Variants in ZBTB8A observed in about 807,000 individuals in gnomAD.
ZBTB8A encodes the protein zinc finger and BTB domain containing 8A, also known as zinc finger and BTB domain-containing protein 8A.
Under a neutral mutation model 37.8 loss-of-function variants are expected in ZBTB8A, and 19 were observed. The ratio of observed to expected loss-of-function variants is 0.50; its 90% CI spans 0.35 to 0.74. ZBTB8A has a LOEUF of 0.74. ZBTB8A is among the 30% of genes least tolerant of loss of function. The pLI is 0.01. For missense variants in ZBTB8A, 394 were observed against 537.8 expected, an observed-to-expected ratio of 0.73 and a Z score of 2.65; for synonymous variants, 181 against 185.2, an observed-to-expected ratio of 0.98 and a Z score of 0.19.
chr1:32,572,718 T>C (rs1054407053), intron 2 of ZBTB8A, among the ~76,000 whole-genome samples: 1 of 152,152 alleles, frequency 6.6e-6, no homozygotes, highest in Non-Finnish European at 1.5e-5. Context: ...TTTTGATCAC[T>C]TATATCACTC....
At chr1:32,591,949 T>G (rs34045202) in intron 2 of ZBTB8A, among the ~76,000 whole-genome samples, 13,132 of 152,054 alleles carry the variant, frequency 0.086, 740 homozygotes, top group Non-Finnish European at 0.12. Context: ...GATCAAGCGA[T>G]TCTCCTGCCT....
intron 2 of ZBTB8A, among the ~76,000 whole-genome samples, chr1:32,584,032 A>G (rs1390382857): frequency 6.6e-6 from 1 of 152,126 alleles, no homozygotes; most frequent in Non-Finnish European, 1.5e-5. Flanking sequence ...TGCTGGGATT[A>G]CAGGTGTAAG....
chr1:32,541,898 A>C (rs1644058433), intron 1 of ZBTB8A, among the ~76,000 whole-genome samples: 1 of 152,182 alleles, frequency 6.6e-6, no homozygotes, highest in African/African-American at 2.4e-5. Flanking sequence ...CAAATGTTCA[A>C]ACCATAGCTC....
intron 3 of ZBTB8A, among the ~76,000 whole-genome samples, chr1:32,594,751 G>T (rs952647436): frequency 1.3e-5 from 2 of 148,676 alleles, no homozygotes; most frequent in Admixed American, 6.7e-5. Flanking sequence ...GGGCAACAGA[G>T]CGAAACTCTA....
intron 2 of ZBTB8A, among the ~76,000 whole-genome samples, chr1:32,568,678 G>A (rs1313321334): frequency 6.6e-6 from 1 of 152,156 alleles, no homozygotes; most frequent in Non-Finnish European, 1.5e-5. Context: ...GAGCCACTGC[G>A]CCCGGCCCTG....
chr1:32,588,226 A>C (rs1292065195), intron 2 of ZBTB8A, among the ~76,000 whole-genome samples: 1 of 152,136 alleles, frequency 6.6e-6, no homozygotes, highest in Admixed American at 6.6e-5. Context: ...AGAAGCACAC[A>C]TAAAACAAGC....
At chr1:32,575,460 C>T (rs1290941641) in intron 2 of ZBTB8A, among the ~76,000 whole-genome samples, 1 of 151,342 alleles carries the variant, frequency 6.6e-6, no homozygotes, top group East Asian at 2.0e-4. Context: ...CTCCTGACTT[C>T]ATGATCTGCC....
chr1:32,565,188 G>A (rs1041473393), intron 2 of ZBTB8A, among the ~76,000 whole-genome samples: 3 of 152,124 alleles, frequency 2.0e-5, no homozygotes, highest in Non-Finnish European at 4.4e-5. Flanking sequence ...ACATTAACCA[G>A]GCATGGTGGC....
intron 2 of ZBTB8A, among the ~76,000 whole-genome samples, chr1:32,564,372 C>CT (rs1644264448): frequency 6.6e-6 from 1 of 152,132 alleles, no homozygotes; most frequent in Non-Finnish European, 1.5e-5. Flanking sequence ...TTTTGGGCCA[C>CT]TTTAAGTCTG....
At position 32,565,658 on chromosome 1, in the gene ZBTB8A, T is replaced by A. The variant is rs112879402; in HGVS notation, c.-2+12118T>A. Among the ~76,000 whole-genome samples, 343 of 152,044 alleles carry A rather than the reference T, an allele frequency of 2.3e-3. 1 individual carries two copies. The highest frequency in any genetic ancestry group is 4.6e-3 in the South Asian group (22 of 4,810). ...ACAGATTGAGACCGTCTTTAAAAAA[T>A]TTTTTTTAATTAAAAATAAATAAAT... On this transcript the variant is annotated intron_variant, in intron 2 of 4. Coordinates refer to ENST00000373510, the MANE Select transcript of ZBTB8A (RefSeq NM_001040441.3).
In ZBTB8A at chr1:32,578,026, C is replaced by T. The variant is rs112094886; in HGVS notation, c.-1-14905C>T. The stretch of plus-strand genomic sequence containing the variant: ...TCAAGTGATTCTCCTGCCTCAGCCT[C>T]CCCAGCAGCTGGGATTACAGGTGCG... On this transcript the variant is annotated intron_variant, in intron 2 of 4. Coordinates refer to ENST00000373510, the MANE Select transcript of ZBTB8A (RefSeq NM_001040441.3). Among the ~76,000 whole-genome samples the T allele has an allele frequency of 1.3e-3, 204 of 152,058 alleles. 2 individuals carry two copies. The highest frequency in any genetic ancestry group is 4.7e-3 in the African/African-American group (197 of 41,490).
chr1:32,566,033 C>T (rs949916457), intron 2 of ZBTB8A, among the ~76,000 whole-genome samples: 1 of 151,802 alleles, frequency 6.6e-6, no homozygotes, highest in Non-Finnish European at 1.5e-5. Flanking sequence ...AACCCAGTCT[C>T]TACTAAAAAT....
chr1:32,579,349 G>A (rs958065029), intron 2 of ZBTB8A, among the ~76,000 whole-genome samples: 9 of 151,710 alleles, frequency 5.9e-5, no homozygotes, highest in African/African-American at 2.2e-4. Context: ...TACTCAGGAG[G>A]CTGAAGCAGG....
Position 32,600,256 on chromosome 1 carries a change from T to C in ZBTB8A, c.1163T>C (p.Met388Thr), listed in dbSNP as rs1644565400. ...GACTTGGAAGCTGAACAACATCTTATGTCCCCATCAGATGGAGATAAGGAT... is the reference window on the plus strand; with the variant it reads ...GACTTGGAAGCTGAACAACATCTTACGTCCCCATCAGATGGAGATAAGGAT... ...PIDLEAEQHLMSPSDGDKDSR... is the reference protein window; with the variant it reads ...PIDLEAEQHLTSPSDGDKDSR... The change falls in exon 5 of 5, where the codon ATG becomes ACG. Residue 388 changes from methionine to threonine, a missense_variant. Physicochemically the swap from Met to Thr is moderately conservative, Grantham distance 81. Around this residue, in one of 4 missense-constraint regions of ZBTB8A, gnomAD observed 85 missense variants for 89.0 expected, o/e 0.95. Coordinates refer to ENST00000373510, the MANE Select transcript of ZBTB8A (RefSeq NM_001040441.3). 2 of 1,614,168 alleles carry C rather than the reference T, an allele frequency of 1.2e-6. No homozygotes were observed. The highest frequency in any genetic ancestry group is 1.7e-6 in the Non-Finnish European group (2 of 1,180,022).
At chr1:32,599,966 G>T in intron 4 of ZBTB8A, 121 bp from the exon 5 acceptor site, 1 of 708,428 alleles carries the variant, frequency 1.4e-6, no homozygotes, top group South Asian at 2.1e-5. Context: ...CTAAATAATA[G>T]ATGTTAATTT....
rs143759841 is a variant in ZBTB8A at position 32,595,733 on chromosome 1, G to A, written c.993+510G>A. Among the ~76,000 whole-genome samples, 799 of 151,192 alleles carry A rather than the reference G, an allele frequency of 5.3e-3. 6 individuals carry two copies. Among genetic ancestry groups the A allele is most frequent in the African/African-American group, 0.018 (723 of 41,154 alleles). On this transcript the variant is annotated intron_variant, in intron 4 of 4. Coordinates refer to ENST00000373510, the MANE Select transcript of ZBTB8A (RefSeq NM_001040441.3). ...GGTGCCATCTCAGCTCACTGCAGCCGCGACTTCTCAGGCTCAAATTATCCT... is the reference window on the plus strand; with the variant it reads ...GGTGCCATCTCAGCTCACTGCAGCCACGACTTCTCAGGCTCAAATTATCCT...
intron 2 of ZBTB8A, among the ~76,000 whole-genome samples, chr1:32,569,712 G>T (rs549831460): frequency 4.0e-5 from 6 of 150,036 alleles, no homozygotes; most frequent in African/African-American, 1.5e-4. Flanking sequence ...TTCCTTAATG[G>T]TATCTTTAAA....
At chr1:32,549,958 C>G (rs1644138438) in intron 1 of ZBTB8A, among the ~76,000 whole-genome samples, 2 of 152,176 alleles carry the variant, frequency 1.3e-5, no homozygotes, top group African/African-American at 4.8e-5. Context: ...TTTCTGCCTT[C>G]CGGATCTCAC....
chr1:32,556,311 A>G (rs1185771424), intron 2 of ZBTB8A, among the ~76,000 whole-genome samples: 1 of 151,200 alleles, frequency 6.6e-6, no homozygotes, highest in African/African-American at 2.4e-5. Context: ...CTCGTGATCC[A>G]CTCACCTCAG....
Sources: allele counts gnomAD v4.1 joint callset (sites outside exome capture counted in the v4.1 genomes callset), GRCh38; gene constraint gnomAD v4.1.1; regional missense constraint gnomAD v4.1.1; transcripts MANE v1.5; gene names NCBI Gene and HGNC (gene_info 2026-07-23, HGNC 2026-07-21).